TRPC1: variants seen among roughly 807,000 people sequenced by gnomAD.
TRPC1 encodes the protein short transient receptor potential channel 1.
In TRPC1, 42 loss-of-function variants were observed where a neutral mutation model predicts 88.2. The ratio of observed to expected loss-of-function variants is 0.48; its 90% CI spans 0.37 to 0.62. The LOEUF is 0.62. Ranked by LOEUF, TRPC1 falls within the 20% of genes least tolerant of loss-of-function variation. The probability of loss-of-function intolerance (pLI) is 0.00; values close to 1 mark genes in which losing one functional copy is unlikely to be tolerated. For synonymous variants in TRPC1, 288 were observed against 331.8 expected (o/e 0.87, Z 1.43); for missense variants, 699 against 957.3 (o/e 0.73, Z 3.56).
Position 142,767,125 on chromosome 3 carries a change from A to G in TRPC1, c.633-10507A>G, listed in dbSNP as rs1935420898. Among the ~76,000 whole-genome samples, 1 of 152,170 alleles carries G rather than the reference A, an allele frequency of 6.6e-6. No homozygotes were observed. The highest frequency in any genetic ancestry group is 2.1e-4 in the South Asian group (1 of 4,830). The stretch of plus-strand genomic sequence containing the variant: ...TAATAGGTTTCATTTAATTTCTCTC[A>G]GCAATATTTTGTAATCCCCAGTGTA... On this transcript the variant is annotated intron_variant, in intron 4 of 12. Transcript: ENST00000476941. This position sits in a 1 kb window ranked among gnomAD's most constrained non-coding sequence, Gnocchi z 5.1.
At chr3:142,777,908 T>G in intron 5 of TRPC1, 145 bp downstream of exon 5, 1 of 834,316 alleles carries the variant, frequency 1.2e-6, no homozygotes, top group Non-Finnish European at 1.8e-6. Context: ...AACAGACCCC[T>G]GCTCTCCCTC....
chr3:142,761,073 T>G (rs1356172404), intron 4 of TRPC1, among the ~76,000 whole-genome samples: 1 of 152,184 alleles, frequency 6.6e-6, no homozygotes, highest in African/African-American at 2.4e-5. Flanking sequence ...ATTTGGATAC[T>G]CTTTATCTCT....
intron 4 of TRPC1, among the ~76,000 whole-genome samples, chr3:142,769,231 T>C: frequency 6.6e-6 from 1 of 152,296 alleles, no homozygotes; most frequent in East Asian, 1.9e-4. Flanking sequence ...ATGTAAATGA[T>C]CACCACAGTC....
intron 12 of TRPC1, among the ~76,000 whole-genome samples, chr3:142,804,977 T>A (rs778575564): frequency 3.3e-5 from 5 of 152,098 alleles, no homozygotes; most frequent in Non-Finnish European, 5.9e-5. Flanking sequence ...GGCACATGCC[T>A]GTAGTCCCAG....
intron 7 of TRPC1, among the ~76,000 whole-genome samples, chr3:142,786,677 T>A (rs1936144648): frequency 6.6e-6 from 1 of 152,196 alleles, no homozygotes; most frequent in Non-Finnish European, 1.5e-5. Flanking sequence ...AGTTGAGTAG[T>A]TAAAAAATTC....
At chr3:142,791,647 T>C (rs1936299380) in intron 8 of TRPC1, among the ~76,000 whole-genome samples, 1 of 152,078 alleles carries the variant, frequency 6.6e-6, no homozygotes, top group African/African-American at 2.4e-5. Flanking sequence ...GAGAACAAAG[T>C]AACTTAAAAT....
At chr3:142,802,052 G>T (rs749964907) in intron 9 of TRPC1, 117 bp from the exon 10 acceptor site, 88 of 617,942 alleles carry the variant, frequency 1.4e-4, no homozygotes, top group Non-Finnish European at 2.0e-4. Flanking sequence ...AGATGCAATA[G>T]AAGGGGTGGC....
At chr3:142,795,595 G>A (rs1157044601) in intron 9 of TRPC1, among the ~76,000 whole-genome samples, 3 of 151,844 alleles carry the variant, frequency 2.0e-5, no homozygotes, top group Non-Finnish European at 4.4e-5. Flanking sequence ...AAAAACAACT[G>A]TCAACCTGGA....
At chr3:142,790,650 G>A (rs541674570) in intron 7 of TRPC1, among the ~76,000 whole-genome samples, 36 of 152,114 alleles carry the variant, frequency 2.4e-4, no homozygotes, top group African/African-American at 7.2e-4. Context: ...ACGTGTGTGC[G>A]TGCACATCCA....
intron 4 of TRPC1, among the ~76,000 whole-genome samples, chr3:142,763,495 A>T (rs7623977): frequency 0.34 from 51,310 of 151,768 alleles, 11,887 homozygotes; most frequent in African/African-American, 0.67. Context: ...CTGATATAAG[A>T]ATAGATACTC....
At chr3:142,786,784 C>CTTA (rs1469522225) in intron 7 of TRPC1, among the ~76,000 whole-genome samples, 7 of 152,088 alleles carry the variant, frequency 4.6e-5, no homozygotes, top group Non-Finnish European at 1.0e-4. Context: ...ATTCCTTAGT[C>CTTA]TTAAACAGAT....
chr3:142,796,599 ACT>A (rs200119615), intron 9 of TRPC1, among the ~76,000 whole-genome samples: 3,400 of 151,830 alleles, frequency 0.022, 128 homozygotes, highest in African/African-American at 0.078. Flanking sequence ...CTGCTCCAAG[ACT>A]CTGCTGCGTG....
At chr3:142,744,244 T>C (rs2108037227) in intron 3 of TRPC1, among the ~76,000 whole-genome samples, 1 of 152,122 alleles carries the variant, frequency 6.6e-6, no homozygotes, top group East Asian at 1.9e-4. Context: ...AATTTACTTA[T>C]TAAAGTTGAA....
At position 142,806,379 on chromosome 3, in the gene TRPC1, A is replaced by G; in HGVS notation, c.*144A>G. 1 of 739,894 alleles carries G rather than the reference A, an allele frequency of 1.4e-6. No individual in the cohort carries two copies. Among genetic ancestry groups the G allele is most frequent in the Non-Finnish European group, 2.1e-6 (1 of 471,602 alleles). 45.8% of individuals were successfully genotyped at this position (739,894 alleles called of 1,614,324 possible). A position where few individuals can be genotyped will look rare whatever the true frequency, so the allele number is the denominator to read the frequency against. On this transcript the variant is annotated 3_prime_UTR_variant, in exon 13 of 13. Transcript: ENST00000476941. Reference sequence around the variant, plus strand: ...TCTTTAAAATATTTATAGCATAAATATATGTTATGTAAAGTGTGTATATAG... The same window carrying G: ...TCTTTAAAATATTTATAGCATAAATGTATGTTATGTAAAGTGTGTATATAG...
At position 142,785,016 on chromosome 3, in the gene TRPC1, T is replaced by C. The variant is rs776055922; in HGVS notation, c.1273T>C (p.Tyr425His). 4 of 1,609,742 alleles carry C rather than the reference T, an allele frequency of 2.5e-6. No individual in the cohort carries two copies. Among genetic ancestry groups the C allele is most frequent in the Non-Finnish European group, 3.4e-6 (4 of 1,178,204 alleles). ...TMGPALERID[Y>H]LLILWIIGMI... is the part of the protein sequence containing the mutation. Reference sequence around the variant, plus strand: ...GGGGCCAGCCCTTGAAAGAATAGACTATCTTCTTATTCTGTGGATTATTGG... The same window carrying C: ...GGGGCCAGCCCTTGAAAGAATAGACCATCTTCTTATTCTGTGGATTATTGG... Residue 425 changes from tyrosine to histidine, a missense_variant, in exon 7 of 13, where the codon TAT becomes CAT. Around this residue, in one of 4 missense-constraint regions of TRPC1, gnomAD observed 426 missense variants for 641.3 expected, o/e 0.66. Coordinates refer to ENST00000476941, the MANE Select transcript of TRPC1 (RefSeq NM_001251845.2).
At chr3:142,756,100 A>T (rs185122628) in intron 4 of TRPC1, among the ~76,000 whole-genome samples, 102 of 152,040 alleles carry the variant, frequency 6.7e-4, no homozygotes, top group African/African-American at 2.4e-3. Flanking sequence ...CATTTTAAAA[A>T]TTGTTGAGCA....
At position 142,806,075 on chromosome 3, in the gene TRPC1, G is replaced by A. The variant is rs1427590841; in HGVS notation, c.2222G>A (p.Arg741His). 4.3e-6 allele frequency: 7 copies of A among 1,613,942 alleles called. No homozygotes were observed. The highest frequency in any genetic ancestry group is 2.2e-5 in the East Asian group (1 of 44,850). Residue 741 changes from arginine (R) to histidine (H), a missense_variant, in exon 13 of 13, where the codon CGT becomes CAT. By Grantham distance (29) the Arg-to-His change is conservative (BLOSUM62 0). This residue lies in a region of TRPC1 where 105 missense variants were observed against 141.7 expected (regional missense o/e 0.74). Coordinates refer to ENST00000476941, the MANE Select transcript of TRPC1 (RefSeq NM_001251845.2). ...YQKVMCCLVH[R>H]YLTSMRQKMQ... ...AAAGTGATGTGCTGCCTAGTGCATC[G>A]TTACTTGACTTCCATGAGACAGAAG...
At position 142,743,594 on chromosome 3, in the gene TRPC1, C is replaced by T; in HGVS notation, c.429+8C>T. ...TCAAGACCAACTATAGTAGTTAGTA[C>T]TCTTAAATATTTATTAATTTGGATT... is the stretch of plus-strand genomic sequence containing the variant. On this transcript the variant is annotated splice_region_variant and intron_variant, in intron 3 of 12. Coordinates refer to ENST00000476941, the MANE Select transcript of TRPC1 (RefSeq NM_001251845.2). The T allele has an allele frequency of 6.9e-7, 1 of 1,449,316 alleles. No individual in the cohort carries two copies. Among genetic ancestry groups the T allele is most frequent in the Non-Finnish European group, 9.1e-7 (1 of 1,101,682 alleles). The allele number at this position is 1,449,316 out of a possible 1,614,324, so 89.8% of individuals were successfully genotyped here.
chr3:142,756,281 A>C (rs1934958796), intron 4 of TRPC1, among the ~76,000 whole-genome samples: 1 of 151,798 alleles, frequency 6.6e-6, no homozygotes. Flanking sequence ...TGGGTGTGTT[A>C]ACTTTTTAAG....
Sources: allele counts gnomAD v4.1 joint callset (sites outside exome capture counted in the v4.1 genomes callset), GRCh38; gene constraint gnomAD v4.1.1; regional missense constraint gnomAD v4.1.1; non-coding constraint Gnocchi (gnomAD v3.1); transcripts MANE v1.5; gene names NCBI Gene and HGNC (gene_info 2026-07-23, HGNC 2026-07-21).